The following SSH1 variants were observed in gnomAD, a reference collection of about 807,000 sequenced individuals.
SSH1 encodes protein phosphatase Slingshot homolog 1.
In SSH1, 43 loss-of-function variants were observed where a neutral mutation model predicts 79.7. That is an observed-to-expected ratio of 0.54 (90% CI 0.42 to 0.70). The LOEUF is 0.70. Among genes scored for constraint, SSH1 ranks in the 30% least tolerant of loss-of-function variants. The pLI is 0.00. For synonymous variants in SSH1, 599 were observed against 538.3 expected (o/e 1.11, Z -1.56); for missense variants, 1,206 against 1,358.8 (o/e 0.89, Z 1.77).
rs2036145932 is a variant in SSH1, at chr12:108,781,468, T to A, written c.*6520A>T. On this transcript the variant is annotated 3_prime_UTR_variant, in exon 15 of 15. Coordinates refer to ENST00000326495, the MANE Select transcript of SSH1 (RefSeq NM_018984.4). ...CATGTGAGCAATCTGGTCTGCTTGA[T>A]GATTATAATTCTTTTGGTAAAGTAA... is the stretch of plus-strand genomic sequence containing the variant. 1 of 152,246 alleles carries A rather than the reference T, an allele frequency of 6.6e-6. No homozygotes were observed. Among genetic ancestry groups the A allele is most frequent in the Non-Finnish European group, 1.5e-5 (1 of 68,052 alleles). The allele number at this position is 152,246 out of a possible 1,614,324, so 9.4% of individuals were successfully genotyped here. A position where few individuals can be genotyped will look rare whatever the true frequency, so the allele number is the denominator to read the frequency against.
intron 1 of SSH1, among the ~76,000 whole-genome samples, chr12:108,856,617 C>T (rs552900278): frequency 1.3e-5 from 2 of 152,346 alleles, no homozygotes; most frequent in South Asian, 2.1e-4. Context: ...GCTCGGTCAC[C>T]GTCACACAGT....
chr12:108,852,025 C>G (rs973996563), intron 2 of SSH1, among the ~76,000 whole-genome samples: 5 of 152,006 alleles, frequency 3.3e-5, no homozygotes, highest in African/African-American at 1.2e-4. Flanking sequence ...CTGGGCAACA[C>G]AGCAAGACCT....
chr12:108,844,793 A>G (rs2137270453), intron 2 of SSH1, among the ~76,000 whole-genome samples: 1 of 152,314 alleles, frequency 6.6e-6, no homozygotes, highest in Admixed American at 6.5e-5. Context: ...AGCAAGCACC[A>G]CGAATTCTCC....
intron 2 of SSH1, among the ~76,000 whole-genome samples, chr12:108,835,404 A>G (rs1460693099): frequency 2.0e-4 from 31 of 152,158 alleles, no homozygotes; most frequent in Admixed American, 2.0e-3. Flanking sequence ...ACAGCACTGC[A>G]ACAGAGTAAG....
intron 2 of SSH1, among the ~76,000 whole-genome samples, chr12:108,838,472 CAT>C (rs765851474): frequency 3.3e-5 from 5 of 152,228 alleles, no homozygotes; most frequent in East Asian, 1.9e-4. Context: ...TCGGAGACCA[CAT>C]GTTTGGAACA....
At chr12:108,827,476 C>T in intron 2 of SSH1, 2 of 1,299,736 alleles carry the variant, frequency 1.5e-6, no homozygotes, top group South Asian at 5.5e-5. Context: ...GGAGCCAACT[C>T]CTCCTCAGAG....
intron 14 of SSH1, among the ~76,000 whole-genome samples, chr12:108,791,173 G>A (rs924318172): frequency 8.5e-5 from 13 of 152,172 alleles, no homozygotes; most frequent in Admixed American, 5.2e-4. Flanking sequence ...GCAGTGGCAC[G>A]AACTTGACTC....
rs545295429 is a variant in SSH1 at position 108,818,233 on chromosome 12, TCTCA to T, written c.279+12_279+15del. 13,700 of 1,612,960 alleles carry T rather than the reference TCTCA, an allele frequency of 8.5e-3. 76 individuals are homozygous for T. Among genetic ancestry groups the T allele is most frequent in the South Asian group, 0.011 (1,007 of 91,052 alleles). On this transcript the variant is annotated intron_variant, in intron 4 of 14. Coordinates refer to ENST00000326495, the MANE Select transcript of SSH1 (RefSeq NM_018984.4). ...AAAAAAAAATTTTTTAACTTGACAT[TCTCA>T]CTGCTTCTTACCAGCTTGATTCTGT...
At chr12:108,846,981 C>T (rs2038911846) in intron 2 of SSH1, among the ~76,000 whole-genome samples, 1 of 152,122 alleles carries the variant, frequency 6.6e-6, no homozygotes, top group Admixed American at 6.6e-5. Flanking sequence ...ACTGCAGTCT[C>T]GACCTCCTGG....
intron 5 of SSH1, among the ~76,000 whole-genome samples, chr12:108,816,375 G>C (rs1156518082): frequency 1.3e-5 from 2 of 152,204 alleles, no homozygotes; most frequent in Non-Finnish European, 2.9e-5. Context: ...TGAATAAAGG[G>C]AATCTAATCT....
At chr12:108,810,384 T>C (rs2037518736) in intron 6 of SSH1, among the ~76,000 whole-genome samples, 1 of 151,884 alleles carries the variant, frequency 6.6e-6, no homozygotes, top group South Asian at 2.1e-4. Flanking sequence ...TAGCCAGGCA[T>C]GGTGGCAGGT....
At chr12:108,835,004 C>A (rs536920162) in intron 2 of SSH1, among the ~76,000 whole-genome samples, 2 of 152,244 alleles carry the variant, frequency 1.3e-5, no homozygotes, top group African/African-American at 2.4e-5. Flanking sequence ...ATGCCACGTG[C>A]GAGTTAAAGC....
At chr12:108,845,197 G>GAA (rs532428327) in intron 2 of SSH1, among the ~76,000 whole-genome samples, 4 of 59,796 alleles carry the variant, frequency 6.7e-5, no homozygotes, top group African/African-American at 1.2e-4. Context: ...CAACAGAGCA[G>GAA]AAAAAAAAAA....
chr12:108,816,517 G>A (rs1478084589), intron 5 of SSH1, among the ~76,000 whole-genome samples: 2 of 152,314 alleles, frequency 1.3e-5, no homozygotes, highest in South Asian at 4.1e-4. Flanking sequence ...CCTCCAGTTA[G>A]TGGGAAATTA....
intron 5 of SSH1, among the ~76,000 whole-genome samples, chr12:108,812,523 G>C (rs368178685): frequency 2.6e-5 from 4 of 152,262 alleles, no homozygotes; most frequent in East Asian, 3.8e-4. Context: ...GCCAGGCCTA[G>C]GCCAGGGGCG....
At chr12:108,792,864 G>A (rs777941978) in intron 13 of SSH1, 35 bp from the exon 14 acceptor site, 3 of 1,611,842 alleles carry the variant, frequency 1.9e-6, no homozygotes, top group Non-Finnish European at 2.5e-6. Context: ...GGTGAGGGGA[G>A]GAGGATGGTG....
At chr12:108,797,383 G>A (rs981705554) in intron 13 of SSH1, among the ~76,000 whole-genome samples, 10 of 152,104 alleles carry the variant, frequency 6.6e-5, no homozygotes, top group Admixed American at 5.2e-4. Flanking sequence ...GACAGGTGCG[G>A]GTCCCTGGCA....
chr12:108,809,125 C>T (rs150703003), intron 7 of SSH1, among the ~76,000 whole-genome samples: 1,622 of 151,826 alleles, frequency 0.011, 23 homozygotes, highest in African/African-American at 0.036. Context: ...TGAGCCACCA[C>T]GCCTAGCCCA....
At chr12:108,826,903 G>C (rs2038331546) in intron 2 of SSH1, among the ~76,000 whole-genome samples, 1 of 152,008 alleles carries the variant, frequency 6.6e-6, no homozygotes, top group Non-Finnish European at 1.5e-5. Flanking sequence ...AAAGATCTGA[G>C]TGTCCTAAAA....
Sources: allele counts gnomAD v4.1 joint callset (sites outside exome capture counted in the v4.1 genomes callset), GRCh38; gene constraint gnomAD v4.1.1; transcripts MANE v1.5; gene names NCBI Gene and HGNC (gene_info 2026-07-23, HGNC 2026-07-21).